KCNMA1: variants seen among roughly 807,000 people sequenced by gnomAD.
KCNMA1 encodes potassium calcium-activated channel subfamily M alpha 1, also known as Calcium-activated potassium channel subunit alpha-1.
Under a neutral mutation model 140.0 loss-of-function variants are expected in KCNMA1, and 29 were observed. The ratio of observed to expected loss-of-function variants is 0.21; its 90% CI spans 0.15 to 0.28. The LOEUF (loss-of-function observed/expected upper bound fraction) is 0.28, where lower values mean the gene tolerates loss of function less well. KCNMA1 is among the 10% of genes least tolerant of loss of function. The probability of loss-of-function intolerance (pLI) is 1.00; values close to 1 mark genes in which losing one functional copy is unlikely to be tolerated. For missense variants in KCNMA1, 880 were observed against 1,602.2 expected (o/e 0.55, Z 7.70); for synonymous variants, 612 against 611.9 (o/e 1.00, Z 0.00).
intron 1 of KCNMA1, among the ~76,000 whole-genome samples, chr10:77,503,574 T>C (rs1173872354): frequency 6.6e-6 from 1 of 152,234 alleles, no homozygotes; most frequent in African/African-American, 2.4e-5. Context: ...TTCACAATAT[T>C]TTGCCAAATG....
At chr10:77,318,373 G>A (rs1254362129) in intron 2 of KCNMA1, among the ~76,000 whole-genome samples, 1 of 152,174 alleles carries the variant, frequency 6.6e-6, no homozygotes, top group Non-Finnish European at 1.5e-5. Flanking sequence ...CATAGCCAGT[G>A]ATGGAATCCA....
At chr10:77,538,515 G>A (rs1209754900) in intron 1 of KCNMA1, among the ~76,000 whole-genome samples, 1 of 152,172 alleles carries the variant, frequency 6.6e-6, no homozygotes, top group African/African-American at 2.4e-5. Flanking sequence ...ATCTGAGTTA[G>A]AATCCCAGCT....
rs1462503870 is a variant in KCNMA1 at position 77,362,322 on chromosome 10, T to C, written c.540+41540A>G. ...TCCTTAAGAAGAGGGCATCCCTAAA[T>C]ACCACCAGCCCCCACCCCCTATCCC... On this transcript the variant is annotated intron_variant, in intron 2 of 27. Transcript: ENST00000286628. Among the ~76,000 whole-genome samples, 10 of 144,468 alleles carry C rather than the reference T, an allele frequency of 6.9e-5. No individual in the cohort carries two copies. The East Asian group carries it at 1.9e-3, about 27-fold the overall frequency. 94.8% of individuals were successfully genotyped at this position (144,468 alleles called of 152,430 possible). A position where few individuals can be genotyped will look rare whatever the true frequency, so the allele number is the denominator to read the frequency against.
chr10:77,501,221 T>G (rs147504573), intron 1 of KCNMA1, among the ~76,000 whole-genome samples: 1 of 152,220 alleles, frequency 6.6e-6, no homozygotes, highest in Non-Finnish European at 1.5e-5. Context: ...CCTCTTGGCA[T>G]GGCCCTGAGG....
intron 15 of KCNMA1, among the ~76,000 whole-genome samples, chr10:77,028,984 C>T (rs1023419912): frequency 1.1e-4 from 16 of 152,068 alleles, no homozygotes; most frequent in Non-Finnish European, 1.8e-4. Flanking sequence ...AAGTACAGTG[C>T]AATATGGTAC....
At chr10:77,422,584 G>A (rs1335922808) in intron 1 of KCNMA1, among the ~76,000 whole-genome samples, 1 of 152,146 alleles carries the variant, frequency 6.6e-6, no homozygotes, top group African/African-American at 2.4e-5. Flanking sequence ...CAAAAGATTT[G>A]TTTCAATAGT....
At chr10:77,507,289 C>CTGT (rs1555401463) in intron 1 of KCNMA1, among the ~76,000 whole-genome samples, 1 of 151,470 alleles carries the variant, frequency 6.6e-6, no homozygotes, top group East Asian at 1.9e-4. Context: ...GAAGAAGGTA[C>CTGT]TGTTTGTTCC....
chr10:77,262,134 G>T (rs2062181071), intron 2 of KCNMA1, among the ~76,000 whole-genome samples: 1 of 152,136 alleles, frequency 6.6e-6, no homozygotes, highest in Admixed American at 6.6e-5. Context: ...CATGTTTGTT[G>T]CAGCCAAAAG....
chr10:77,129,692 A>G (rs1363759536), intron 5 of KCNMA1, among the ~76,000 whole-genome samples: 1 of 152,034 alleles, frequency 6.6e-6, no homozygotes, highest in East Asian at 1.9e-4. Flanking sequence ...GAAAACCAAT[A>G]AATATGAAAA....
chr10:77,295,844 T>C (rs1050976915), intron 2 of KCNMA1, among the ~76,000 whole-genome samples: 9 of 95,182 alleles, frequency 9.5e-5, no homozygotes, highest in African/African-American at 3.6e-4. Context: ...GAAGGAAAAA[T>C]GGGGCATTAG....
chr10:77,310,747 T>C (rs1342666616), intron 2 of KCNMA1, among the ~76,000 whole-genome samples: 1 of 152,160 alleles, frequency 6.6e-6, no homozygotes, highest in Admixed American at 6.5e-5. Context: ...AATCACCCTC[T>C]TCTGCGATTT....
chr10:77,558,287 G>A (rs557200783), intron 1 of KCNMA1, among the ~76,000 whole-genome samples: 246 of 152,256 alleles, frequency 1.6e-3, no homozygotes, highest in African/African-American at 5.7e-3. Flanking sequence ...TACCCTGGCA[G>A]CATCTCCCTT....
intron 1 of KCNMA1, among the ~76,000 whole-genome samples, chr10:77,406,501 T>C (rs2096477848): frequency 6.6e-6 from 1 of 152,184 alleles, no homozygotes; most frequent in Non-Finnish European, 1.5e-5. Context: ...AGAGGGCTTG[T>C]TGAAACACAG....
chr10:77,501,017 A>G (rs2043683091), intron 1 of KCNMA1, among the ~76,000 whole-genome samples: 1 of 152,228 alleles, frequency 6.6e-6, no homozygotes, highest in African/African-American at 2.4e-5. Flanking sequence ...AGTGGGGCCA[A>G]GCCCTCCAGG....
At chr10:76,926,192 C>T (rs773892437) in intron 23 of KCNMA1, among the ~76,000 whole-genome samples, 2 of 152,084 alleles carry the variant, frequency 1.3e-5, no homozygotes, top group Non-Finnish European at 2.9e-5. Flanking sequence ...CTCTGTACAG[C>T]GTGGTCAATA....
intron 1 of KCNMA1, among the ~76,000 whole-genome samples, chr10:77,473,677 G>A (rs764083691): frequency 2.6e-5 from 4 of 152,064 alleles, no homozygotes; most frequent in Non-Finnish European, 4.4e-5. Flanking sequence ...GGGAAGGGTG[G>A]GCCAGTGCGA....
At chr10:77,220,576 C>T (rs1296158269) in intron 3 of KCNMA1, among the ~76,000 whole-genome samples, 1 of 152,134 alleles carries the variant, frequency 6.6e-6, no homozygotes, top group Non-Finnish European at 1.5e-5. Context: ...CGTTTTTGTG[C>T]ATACAAAGGG....
rs557526052 is a variant in KCNMA1, at chr10:77,005,447, G to A, written c.2093-3867C>T. Among the ~76,000 whole-genome samples the A allele has an allele frequency of 3.9e-5, 6 of 152,278 alleles. No individual in the cohort carries two copies. In the South Asian group the frequency reaches 1.2e-3, roughly 32 times the overall value. On this transcript the variant is annotated intron_variant, in intron 18 of 27. Coordinates refer to ENST00000286628, the MANE Select transcript of KCNMA1 (RefSeq NM_001161352.2). ...TGGGAGCAGACAAGAGTGTGTCTCT[G>A]GCAAGTGTGAACACCAAAGCTACTT...
chr10:76,901,031 A>C (rs986826031), intron 25 of KCNMA1, among the ~76,000 whole-genome samples: 1 of 152,172 alleles, frequency 6.6e-6, no homozygotes, highest in Non-Finnish European at 1.5e-5. Flanking sequence ...ATAGCCAAAA[A>C]TTTAGTGATA....
Sources: gnomAD v4.1 joint callset for allele counts (sites outside exome capture counted in the v4.1 genomes callset) on GRCh38, gnomAD v4.1.1 for gene constraint, MANE v1.5 for transcripts, NCBI Gene and HGNC (gene_info 2026-07-23, HGNC 2026-07-21) for gene names.